The following BCAT1 variants were observed in gnomAD, a reference collection of about 807,000 sequenced individuals.
BCAT1 encodes branched chain amino acid transaminase 1, also known as branched-chain-amino-acid aminotransferase, cytosolic.
Under a neutral mutation model 52.4 loss-of-function variants are expected in BCAT1, and 48 were observed. The ratio of observed to expected loss-of-function variants is 0.92; its 90% CI spans 0.73 to 1.16. BCAT1 has a LOEUF of 1.16. Among genes scored for constraint, BCAT1 ranks in the 50% most tolerant of loss-of-function variants. BCAT1 has a pLI of 0.00. For missense variants in BCAT1, 451 were observed against 457.1 expected (o/e 0.99, Z 0.12); for synonymous variants, 167 against 161.3 (o/e 1.04, Z -0.27).
intron 1 of BCAT1, among the ~76,000 whole-genome samples, chr12:24,916,201 C>T (rs1943404255): frequency 6.6e-6 from 1 of 152,170 alleles, no homozygotes; most frequent in African/African-American, 2.4e-5. Flanking sequence ...GCCAAAGATT[C>T]GCCATCAGAC....
At chr12:24,853,231 A>T (rs1047558346) in intron 5 of BCAT1, among the ~76,000 whole-genome samples, 7 of 152,234 alleles carry the variant, frequency 4.6e-5, no homozygotes, top group African/African-American at 1.7e-4. Flanking sequence ...AATAAAGAAA[A>T]TGTGATACAT....
At chr12:24,864,349 T>A (rs1941941145) in intron 5 of BCAT1, among the ~76,000 whole-genome samples, 1 of 152,162 alleles carries the variant, frequency 6.6e-6, no homozygotes, top group South Asian at 2.1e-4. Flanking sequence ...CAAAGGATGC[T>A]AATATCTGCA....
intron 5 of BCAT1, among the ~76,000 whole-genome samples, chr12:24,863,397 A>G (rs1329853800): frequency 1.3e-5 from 2 of 152,256 alleles, no homozygotes; most frequent in Non-Finnish European, 2.9e-5. Context: ...CAATACAAAG[A>G]GCATAAAAAT....
At chr12:24,945,180 AC>A (rs1943917134) in intron 1 of BCAT1, among the ~76,000 whole-genome samples, 1 of 152,244 alleles carries the variant, frequency 6.6e-6, no homozygotes, top group Admixed American at 6.5e-5. Context: ...TCCAGAAAAG[AC>A]AGATTCTCCT....
intron 1 of BCAT1, chr12:24,902,338 C>A (rs931707255): frequency 8.3e-7 from 1 of 1,211,556 alleles, no homozygotes; most frequent in Middle Eastern, 3.3e-4. Context: ...CGGGGACGGG[C>A]GTGAACCATT....
chr12:24,881,516 C>T (rs1162776356), intron 3 of BCAT1, 105 bp from the exon 4 acceptor site: 3 of 688,256 alleles, frequency 4.4e-6, no homozygotes, highest in Non-Finnish European at 7.5e-6. Context: ...TCCCATAAAG[C>T]TGTTGACATT....
chr12:24,835,559 A>AT (rs1300578489), intron 8 of BCAT1, among the ~76,000 whole-genome samples: 8 of 79,846 alleles, frequency 1.0e-4, no homozygotes, highest in Non-Finnish European at 1.8e-4. Context: ...TATTTTATTT[A>AT]TTTATTTATT....
chr12:24,891,470 C>A (rs144924697), intron 3 of BCAT1, among the ~76,000 whole-genome samples: 1,647 of 152,212 alleles, frequency 0.011, 34 homozygotes, highest in African/African-American at 0.037. Context: ...CCTAGTCAAC[C>A]CCAGAAACAT....
intron 6 of BCAT1, among the ~76,000 whole-genome samples, chr12:24,847,077 C>T (rs562713597): frequency 2.6e-5 from 4 of 152,300 alleles, no homozygotes; most frequent in African/African-American, 9.6e-5. Context: ...CTATCCTAGG[C>T]ACTTTCTATT....
At chr12:24,847,961 G>A (rs1035340730) in intron 6 of BCAT1, among the ~76,000 whole-genome samples, 3 of 152,164 alleles carry the variant, frequency 2.0e-5, no homozygotes, top group East Asian at 1.9e-4. Flanking sequence ...TATTAAATGC[G>A]GAATATTTTG....
At chr12:24,926,365 C>T (rs1245083712) in intron 1 of BCAT1, among the ~76,000 whole-genome samples, 2 of 152,038 alleles carry the variant, frequency 1.3e-5, no homozygotes, top group Admixed American at 6.5e-5. Flanking sequence ...CCAGCCGCCC[C>T]GTCCGGGAGG....
At chr12:24,926,218 G>C (rs1943581342) in intron 1 of BCAT1, among the ~76,000 whole-genome samples, 1 of 151,988 alleles carries the variant, frequency 6.6e-6, no homozygotes. Context: ...TCTGGGAGGT[G>C]AGGAGCGCCT....
chr12:24,881,857 C>G (rs925995791), intron 3 of BCAT1, among the ~76,000 whole-genome samples: 1 of 152,112 alleles, frequency 6.6e-6, no homozygotes, highest in Non-Finnish European at 1.5e-5. Flanking sequence ...AGTAGATAAT[C>G]CAGATGTGAC....
chr12:24,893,095 T>G (rs1311547518), intron 3 of BCAT1, among the ~76,000 whole-genome samples: 1 of 152,226 alleles, frequency 6.6e-6, no homozygotes, highest in Non-Finnish European at 1.5e-5. Flanking sequence ...CCTAGTAATT[T>G]TGGTGTATAC....
intron 5 of BCAT1, among the ~76,000 whole-genome samples, chr12:24,859,347 G>T (rs529379391): frequency 6.6e-6 from 1 of 152,180 alleles, no homozygotes; most frequent in African/African-American, 2.4e-5. Flanking sequence ...CTTGCTGGGC[G>T]CAGTGGCTCA....
intron 1 of BCAT1, among the ~76,000 whole-genome samples, chr12:24,913,297 G>A (rs1358585023): frequency 6.6e-6 from 1 of 152,196 alleles, no homozygotes. Context: ...AACACCACAA[G>A]GAAGCCATTT....
intron 1 of BCAT1, chr12:24,904,644 T>G (rs1327920306): frequency 1.3e-5 from 2 of 152,276 alleles, no homozygotes; most frequent in East Asian, 3.8e-4. Context: ...TGCACCTATG[T>G]GCTGATGACT....
chr12:24,836,443 A>G, intron 8 of BCAT1, 68 bp downstream of exon 8: 1 of 1,330,454 alleles, frequency 7.5e-7, no homozygotes, highest in African/African-American at 1.5e-5. Flanking sequence ...TTTCAACACT[A>G]GGCTGGGCTT....
intron 2 of BCAT1, among the ~76,000 whole-genome samples, chr12:24,899,293 A>G (rs753448273): frequency 3.3e-5 from 5 of 152,234 alleles, no homozygotes; most frequent in Non-Finnish European, 7.3e-5. Context: ...ATGAAATGTT[A>G]TAAATGATGT....
Sources: allele counts gnomAD v4.1 joint callset (sites outside exome capture counted in the v4.1 genomes callset), GRCh38; gene constraint gnomAD v4.1.1; transcripts MANE v1.5; gene names NCBI Gene and HGNC (gene_info 2026-07-23, HGNC 2026-07-21).